The following FTO variants were observed in gnomAD, a reference collection of about 807,000 sequenced individuals.
FTO encodes the protein alpha-ketoglutarate-dependent dioxygenase FTO.
In FTO, 47 loss-of-function variants were observed where a neutral mutation model predicts 63.9. That is an observed-to-expected ratio of 0.74 (90% CI 0.58 to 0.94). The LOEUF (loss-of-function observed/expected upper bound fraction) is 0.94. Among genes scored for constraint, FTO ranks in the 40% least tolerant of loss-of-function variants. The pLI is 0.00. For missense variants in FTO, 562 were observed against 618.1 expected (o/e 0.91, Z 0.96); for synonymous variants, 207 against 224.4 (o/e 0.92, Z 0.69).
At chr16:53,930,517 C>CTG (rs2082256635) in intron 7 of FTO, among the ~76,000 whole-genome samples, 5 of 152,064 alleles carry the variant, frequency 3.3e-5, no homozygotes, top group Non-Finnish European at 2.9e-5. Context: ...GCCACCGCGC[C>CTG]AGGCCAATTA....
intron 1 of FTO, among the ~76,000 whole-genome samples, chr16:53,725,385 T>A (rs894745021): frequency 1.3e-5 from 2 of 152,246 alleles, no homozygotes; most frequent in Admixed American, 1.3e-4. Flanking sequence ...TATTGTAGAA[T>A]GATCTTCATT....
At position 54,116,374 on chromosome 16, in the gene FTO, A is replaced by G. The variant is rs774049389; in HGVS notation, c.*4459A>G. The G allele has an allele frequency of 5.9e-5, 9 of 152,170 alleles. No individual in the cohort carries two copies. Among genetic ancestry groups the G allele is most frequent in the Admixed American group, 2.0e-4 (3 of 15,274 alleles). 9.4% of individuals were successfully genotyped at this position (152,170 alleles called of 1,614,324 possible). On this transcript the variant is annotated 3_prime_UTR_variant, in exon 9 of 9. Transcript: ENST00000471389. The stretch of plus-strand genomic sequence containing the variant: ...AAGGGGATTCTGGTTTGAAAAGGCA[A>G]TTCTCATCCAGACAGATTCAGATGG...
intron 1 of FTO, among the ~76,000 whole-genome samples, chr16:53,765,962 A>G (rs905105035): frequency 2.0e-5 from 3 of 152,126 alleles, no homozygotes; most frequent in Admixed American, 6.5e-5. Context: ...CTCTGATTTG[A>G]TTTCTATAAA....
chr16:54,038,775 G>A (rs1487214766), intron 8 of FTO, among the ~76,000 whole-genome samples: 1 of 152,176 alleles, frequency 6.6e-6, no homozygotes, highest in Non-Finnish European at 1.5e-5. Flanking sequence ...TCTGCCATAA[G>A]TAAAAGCTTC....
chr16:53,714,268 A>G (rs915044555), intron 1 of FTO, among the ~76,000 whole-genome samples: 5 of 152,292 alleles, frequency 3.3e-5, no homozygotes, highest in African/African-American at 7.2e-5. Flanking sequence ...TGGCACCTTC[A>G]TTTAGTGATT....
At chr16:54,038,070 C>T (rs940917330) in intron 8 of FTO, among the ~76,000 whole-genome samples, 3 of 152,202 alleles carry the variant, frequency 2.0e-5, no homozygotes, top group Non-Finnish European at 4.4e-5. Context: ...TTGGGCACAG[C>T]TGGAACCTTT....
chr16:53,973,465 C>G (rs2083374936), intron 8 of FTO, among the ~76,000 whole-genome samples: 1 of 152,202 alleles, frequency 6.6e-6, no homozygotes, highest in Non-Finnish European at 1.5e-5. Flanking sequence ...CTGGGTGGCT[C>G]TTGAAAGCCT....
At chr16:53,911,625 A>G (rs1177829944) in intron 7 of FTO, 1 of 629,036 alleles carries the variant, frequency 1.6e-6, no homozygotes, top group African/African-American at 1.8e-5. Flanking sequence ...CCTGAGAGGA[A>G]GTGCACTGTA....
At position 53,705,047 on chromosome 16, in the gene FTO, G is replaced by T. The variant is rs202144690; in HGVS notation, c.45+818G>T. Among the ~76,000 whole-genome samples the T allele has an allele frequency of 5.3e-5, 8 of 150,660 alleles. No individual in the cohort carries two copies. In the East Asian group the frequency reaches 9.7e-4, roughly 18 times the overall value. Reference sequence around the variant, plus strand: ...TTTTTTTTTCATCTCCACTACCTTGGACCAAGCTACCATTATCTTTTTAAT... The same window carrying T: ...TTTTTTTTTCATCTCCACTACCTTGTACCAAGCTACCATTATCTTTTTAAT... On this transcript the variant is annotated intron_variant, in intron 1 of 8. Coordinates refer to ENST00000471389, the MANE Select transcript of FTO (RefSeq NM_001080432.3).
intron 8 of FTO, among the ~76,000 whole-genome samples, chr16:54,048,256 G>GAAAAAA (rs111381976): frequency 4.5e-5 from 6 of 134,012 alleles, no homozygotes; most frequent in East Asian, 2.1e-4. Context: ...AAAAATACTT[G>GAAAAAA]AAAAAAAAAA....
chr16:54,101,695 G>A (rs934380438), intron 8 of FTO, among the ~76,000 whole-genome samples: 4 of 152,270 alleles, frequency 2.6e-5, no homozygotes, highest in South Asian at 2.1e-4. Flanking sequence ...TGGGATTGCT[G>A]GGCTGAATAT....
At chr16:54,001,456 A>G (rs2084065652) in intron 8 of FTO, among the ~76,000 whole-genome samples, 1 of 152,156 alleles carries the variant, frequency 6.6e-6, no homozygotes, top group South Asian at 2.1e-4. Flanking sequence ...AAACATAAGG[A>G]AACTACTTCC....
In FTO at chr16:53,826,339, A is replaced by G. The variant is rs2079005698; in HGVS notation, c.599A>G (p.Asn200Ser). The change falls in exon 3 of 9, where the codon AAC becomes AGC. Residue 200 changes from asparagine to serine, a missense_variant. By Grantham distance (46) the Asn-to-Ser change is conservative (BLOSUM62 1). Transcript: ENST00000471389. The stretch of plus-strand genomic sequence containing the variant: ...GACATTAAGAGCAGAGCAGCATACA[A>G]CGTAACTTTGCTGAATTTCATGGAT... ...EVDIKSRAAY[N>S]VTLLNFMDPQ... is the part of the protein sequence containing the mutation. 1.2e-6 allele frequency: 2 copies of G among 1,614,198 alleles called. No individual in the cohort carries two copies. Among genetic ancestry groups the G allele is most frequent in the Non-Finnish European group, 1.7e-6 (2 of 1,180,040 alleles).
chr16:53,763,494 T>C (rs549074016), intron 1 of FTO, among the ~76,000 whole-genome samples: 3 of 152,330 alleles, frequency 2.0e-5, no homozygotes, highest in Non-Finnish European at 2.9e-5. Flanking sequence ...GAGGCTCAGA[T>C]TGACCATAGA....
intron 8 of FTO, chr16:54,008,704 C>T (rs8054364): frequency 6.6e-6 from 1 of 151,256 alleles, no homozygotes; most frequent in South Asian, 2.1e-4. Context: ...AATTTCTTAC[C>T]CACTCCGGCA....
At chr16:53,814,152 A>G (rs897480798) in intron 2 of FTO, among the ~76,000 whole-genome samples, 10 of 152,192 alleles carry the variant, frequency 6.6e-5, no homozygotes, top group Admixed American at 5.2e-4. Flanking sequence ...GAAGTTTTGC[A>G]GTTTCTTTTA....
intron 1 of FTO, among the ~76,000 whole-genome samples, chr16:53,804,970 CT>C (rs1458710431): frequency 6.6e-6 from 1 of 152,110 alleles, no homozygotes; most frequent in East Asian, 1.9e-4. Context: ...ACCAAGCACC[CT>C]GCTTAAGGAC....
At chr16:53,742,326 C>T (rs900851717) in intron 1 of FTO, among the ~76,000 whole-genome samples, 1 of 152,120 alleles carries the variant, frequency 6.6e-6, no homozygotes, top group African/African-American at 2.4e-5. Context: ...AGAACTATGC[C>T]ATATGGCCAC....
intron 4 of FTO, among the ~76,000 whole-genome samples, chr16:53,856,838 G>C (rs910438735): frequency 6.6e-6 from 1 of 151,978 alleles, no homozygotes; most frequent in African/African-American, 2.4e-5. Flanking sequence ...CATAGTCCTT[G>C]GTCAATTCAT....
Sources: allele counts gnomAD v4.1 joint callset (sites outside exome capture counted in the v4.1 genomes callset), GRCh38; gene constraint gnomAD v4.1.1; transcripts MANE v1.5; gene names NCBI Gene and HGNC (gene_info 2026-07-23, HGNC 2026-07-21).